The following PPARGC1A variants were observed in gnomAD, a reference collection of about 807,000 sequenced individuals.
PPARGC1A encodes the protein PPARG coactivator 1 alpha.
PPARGC1A carries 25 observed loss-of-function variants against 88.7 expected under a neutral mutation model. The observed-to-expected ratio is 0.28, with a 90% confidence interval of 0.21 to 0.39. PPARGC1A has a LOEUF of 0.39. Ranked by LOEUF, PPARGC1A falls within the 10% of genes least tolerant of loss-of-function variation. The pLI is 1.00. For synonymous variants in PPARGC1A, 363 were observed against 355.6 expected (o/e 1.02, Z -0.24); for missense variants, 880 against 968.7 (o/e 0.91, Z 1.22).
chr4:24,125,072 G>T, the PPARGC1A span, among the ~76,000 whole-genome samples: 2 of 152,006 alleles, frequency 1.3e-5, no homozygotes, highest in East Asian at 1.9e-4. Context: ...AAAATATTGG[G>T]TTAGAGAGCC....
At chr4:24,234,250 G>T in the PPARGC1A span, among the ~76,000 whole-genome samples, 43 of 152,302 alleles carry the variant, frequency 2.8e-4, no homozygotes, top group African/African-American at 9.9e-4. Flanking sequence ...AGCCAGCGAG[G>T]CTTATAAAGA....
At chr4:24,240,872 C>T in the PPARGC1A span, among the ~76,000 whole-genome samples, 1 of 152,124 alleles carries the variant, frequency 6.6e-6, no homozygotes, top group East Asian at 1.9e-4. Flanking sequence ...AGCCTCTCCC[C>T]AGTCCATCCA....
chr4:24,194,858 C>T, the PPARGC1A span, among the ~76,000 whole-genome samples: 9 of 152,130 alleles, frequency 5.9e-5, no homozygotes, highest in African/African-American at 1.9e-4. Context: ...TAAATATCAA[C>T]CAACCAAAAT....
At chr4:23,936,085 A>C in the PPARGC1A span, among the ~76,000 whole-genome samples, 1 of 152,222 alleles carries the variant, frequency 6.6e-6, no homozygotes, top group South Asian at 2.1e-4. Flanking sequence ...AAGTTTAATC[A>C]ATTTTATTTC....
the PPARGC1A span, among the ~76,000 whole-genome samples, chr4:24,069,718 ATG>A: frequency 6.6e-6 from 1 of 152,246 alleles, no homozygotes; most frequent in Admixed American, 6.5e-5. Context: ...GAATAAATAC[ATG>A]TTGCAAAGGA....
the PPARGC1A span, among the ~76,000 whole-genome samples, chr4:24,154,254 T>C: frequency 1.3e-5 from 2 of 152,142 alleles, no homozygotes; most frequent in African/African-American, 4.8e-5. Context: ...ATGTGTCTAT[T>C]TTGCTTCTCC....
the PPARGC1A span, among the ~76,000 whole-genome samples, chr4:24,142,401 G>C: frequency 4.6e-5 from 7 of 152,092 alleles, no homozygotes; most frequent in African/African-American, 1.4e-4. Context: ...GGCTGGGTGC[G>C]GTGGCTCATG....
chr4:24,366,228 A>T, the PPARGC1A span, among the ~76,000 whole-genome samples: 133 of 149,406 alleles, frequency 8.9e-4, no homozygotes, highest in African/African-American at 3.1e-3. Context: ...TGCTTTTCAC[A>T]AATTTTATTC....
At chr4:24,274,961 C>G in the PPARGC1A span, among the ~76,000 whole-genome samples, 2 of 152,062 alleles carry the variant, frequency 1.3e-5, no homozygotes, top group Admixed American at 6.6e-5. Context: ...CTAAAAGGAC[C>G]AAGAAACTTT....
the PPARGC1A span, among the ~76,000 whole-genome samples, chr4:24,014,005 C>T: frequency 2.0e-5 from 3 of 152,110 alleles, no homozygotes; most frequent in African/African-American, 7.2e-5. Flanking sequence ...TTAGAGCAGC[C>T]ACACGCCTTC....
chr4:23,909,883 C>T, the PPARGC1A span, among the ~76,000 whole-genome samples: 4 of 151,122 alleles, frequency 2.6e-5, no homozygotes, highest in Admixed American at 2.6e-4. Context: ...TGAATCATAC[C>T]AGGTCCAATG....
chr4:24,061,316 T>G, the PPARGC1A span, among the ~76,000 whole-genome samples: 1 of 152,162 alleles, frequency 6.6e-6, no homozygotes, highest in Non-Finnish European at 1.5e-5. Context: ...ATGACTTGAT[T>G]CCATTCATTC....
At chr4:24,248,709 G>A in the PPARGC1A span, among the ~76,000 whole-genome samples, 1 of 152,198 alleles carries the variant, frequency 6.6e-6, no homozygotes, top group South Asian at 2.1e-4. Flanking sequence ...CTACATCATG[G>A]GCACAGCGTT....
chr4:23,871,796 T>C (rs1370129892), intron 2 of PPARGC1A, among the ~76,000 whole-genome samples: 1 of 152,150 alleles, frequency 6.6e-6, no homozygotes, highest in Non-Finnish European at 1.5e-5. Flanking sequence ...ATAGAGGCAC[T>C]TTTCCCCTAT....
chr4:24,003,165 T>C, the PPARGC1A span, among the ~76,000 whole-genome samples: 1 of 152,138 alleles, frequency 6.6e-6, no homozygotes, highest in Non-Finnish European at 1.5e-5. Context: ...GTGGATGTGT[T>C]ACCTACACCC....
chr4:23,904,895 T>C (rs528193932), upstream of PPARGC1A, among the ~76,000 whole-genome samples: 2 of 152,350 alleles, frequency 1.3e-5, no homozygotes, highest in South Asian at 2.1e-4. Flanking sequence ...TTTTACACTC[T>C]GACAGCCGCT....
the PPARGC1A span, among the ~76,000 whole-genome samples, chr4:24,127,610 T>G: frequency 7.2e-5 from 11 of 151,890 alleles, no homozygotes; most frequent in East Asian, 3.9e-4. Flanking sequence ...GAGATAGAAC[T>G]TCATAAAAAT....
At chr4:24,167,419 A>G in the PPARGC1A span, among the ~76,000 whole-genome samples, 1 of 152,242 alleles carries the variant, frequency 6.6e-6, no homozygotes, top group African/African-American at 2.4e-5. Context: ...GATTTAGAAT[A>G]TTACATAAAC....
the PPARGC1A span, among the ~76,000 whole-genome samples, chr4:24,310,714 C>A: frequency 1.6e-4 from 24 of 152,236 alleles, 1 homozygote; most frequent in Admixed American, 1.2e-3. Context: ...CTAAAACAAA[C>A]AAACGAAAAA....
Sources: gnomAD v4.1 joint callset for allele counts (sites outside exome capture counted in the v4.1 genomes callset) on GRCh38, gnomAD v4.1.1 for gene constraint, MANE v1.5 for transcripts, NCBI Gene and HGNC (gene_info 2026-07-23, HGNC 2026-07-21) for gene names.